The following COPA variants were observed in gnomAD, a reference collection of about 807,000 sequenced individuals.
COPA encodes coatomer subunit alpha.
In COPA, 10 loss-of-function variants were observed where a neutral mutation model predicts 158.7. The observed-to-expected ratio is 0.06, with a 90% CI of 0.04 to 0.11. The LOEUF (loss-of-function observed/expected upper bound fraction) is 0.11. COPA is among the 10% of genes least tolerant of loss of function. The pLI, the probability that COPA is intolerant of heterozygous loss-of-function variation, is 1.00. For missense variants in COPA, 1,065 were observed against 1,536.7 expected (o/e 0.69, Z 5.13); for synonymous variants, 462 against 542.8 (o/e 0.85, Z 2.07).
chr1:160,295,944 T>C, intron 22 of COPA, 85 bp from the exon 23 acceptor site: 1 of 1,581,580 alleles, frequency 6.3e-7, no homozygotes, highest in Non-Finnish European at 8.6e-7. Flanking sequence ...TTGATCTCAT[T>C]TGTTTCTCTG....
In COPA at chr1:160,342,749, G is replaced by C. The variant is rs111932252; in HGVS notation, c.40+382C>G. Among the ~76,000 whole-genome samples, 1,159 of 152,246 alleles carry C rather than the reference G, an allele frequency of 7.6e-3. 21 individuals carry two copies. Among genetic ancestry groups the C allele is most frequent in the African/African-American group, 0.027 (1,101 of 41,526 alleles). On this transcript the variant is annotated intron_variant, in intron 1 of 32. Transcript: ENST00000241704. ...GCTACTGACTCGGGTGCGAGTAACA[G>C]AGATCGAGACTCAGTTCCCAGGGCC... is the stretch of plus-strand genomic sequence containing the variant.
chr1:160,305,202 A>C, intron 17 of COPA: 1 of 451,992 alleles, frequency 2.2e-6, no homozygotes, highest in South Asian at 3.4e-5. Flanking sequence ...TGTTCACTAC[A>C]TAACTTATTT....
intron 17 of COPA, among the ~76,000 whole-genome samples, chr1:160,304,403 C>T (rs1034689796): frequency 6.6e-6 from 1 of 151,830 alleles, no homozygotes. Context: ...CGGTGGCTCA[C>T]GCCTGTAATC....
At chr1:160,303,752 A>G (rs1458196902) in intron 17 of COPA, among the ~76,000 whole-genome samples, 1 of 152,200 alleles carries the variant, frequency 6.6e-6, no homozygotes, top group Non-Finnish European at 1.5e-5. Context: ...GACATGCTAC[A>G]AAAGAGGAGA....
Position 160,294,876 on chromosome 1 carries a change from G to A in COPA, c.2477-19C>T, listed in dbSNP as rs766819637. On this transcript the variant is annotated intron_variant, in intron 23 of 32. Transcript: ENST00000241704. ...CCCTTCCCTACAGAGGGAAGGAACA[G>A]AACGGAACTGGTTATAGTCCAGCAA... 1.2e-6 allele frequency: 2 copies of A among 1,607,204 alleles called. No individual in the cohort carries two copies. Among genetic ancestry groups the A allele is most frequent in the South Asian group, 2.2e-5 (2 of 90,912 alleles).
intron 6 of COPA, 26 bp from the exon 7 acceptor site, chr1:160,325,678 A>G: frequency 2.0e-6 from 3 of 1,521,656 alleles, no homozygotes. Context: ...GAGTGGGATG[A>G]AAGATGTAAA....
At chr1:160,327,597 C>T (rs1324238248) in intron 6 of COPA, among the ~76,000 whole-genome samples, 5 of 151,594 alleles carry the variant, frequency 3.3e-5, no homozygotes, top group South Asian at 2.1e-4. Context: ...GTGGCTCACA[C>T]CTGTAATCCC....
chr1:160,335,365 G>T, intron 3 of COPA, 43 bp from the exon 4 acceptor site: 1 of 1,526,958 alleles, frequency 6.5e-7, no homozygotes, highest in Non-Finnish European at 8.9e-7. Context: ...TAGTTATTGA[G>T]CCTCTAAAAG....
chr1:160,341,779 AT>A (rs1295716060), intron 1 of COPA, among the ~76,000 whole-genome samples: 5 of 151,398 alleles, frequency 3.3e-5, no homozygotes, highest in African/African-American at 1.2e-4. Flanking sequence ...AACATTTACA[AT>A]TTTTCTTCTA....
intron 1 of COPA, among the ~76,000 whole-genome samples, chr1:160,340,654 C>T (rs976185102): frequency 2.0e-5 from 3 of 152,136 alleles, no homozygotes; most frequent in Non-Finnish European, 4.4e-5. Context: ...TATTTGAAGC[C>T]CTGTAATATT....
chr1:160,298,820 G>A (rs1378989791), intron 19 of COPA, 25 bp downstream of exon 19: 1 of 1,613,606 alleles, frequency 6.2e-7, no homozygotes, highest in South Asian at 1.1e-5. Flanking sequence ...AGACAATATG[G>A]GGCTGATGAC....
chr1:160,300,887 G>A (rs571581991), intron 17 of COPA, among the ~76,000 whole-genome samples: 86 of 152,280 alleles, frequency 5.6e-4, no homozygotes, highest in Non-Finnish European at 9.7e-4. Flanking sequence ...GGGAGGCTGA[G>A]GCAGGCGGAT....
chr1:160,306,224 TA>T, intron 15 of COPA, 129 bp downstream of exon 15: 1 of 997,646 alleles, frequency 1.0e-6, no homozygotes, highest in Admixed American at 2.6e-5. Flanking sequence ...AAAGTTACTA[TA>T]AAGAGTCTTG....
intron 10 of COPA, among the ~76,000 whole-genome samples, chr1:160,312,602 T>C (rs192516573): frequency 6.6e-6 from 1 of 152,202 alleles, no homozygotes; most frequent in African/African-American, 2.4e-5. Flanking sequence ...TGGCTTTCCA[T>C]GTATTCAGAA....
At chr1:160,299,034 T>C in intron 18 of COPA, 43 bp from the exon 19 acceptor site, 2 of 1,606,726 alleles carry the variant, frequency 1.2e-6, no homozygotes, top group East Asian at 2.2e-5. Context: ...AGACATCACT[T>C]ACAGGAAAAG....
At chr1:160,300,319 G>A (rs927748845) in intron 17 of COPA, among the ~76,000 whole-genome samples, 2 of 151,356 alleles carry the variant, frequency 1.3e-5, no homozygotes, top group Admixed American at 1.3e-4. Context: ...CAGCCTGGGT[G>A]AGACTGGGAG....
At chr1:160,307,062 G>A (rs2101838356) in intron 14 of COPA, 101 bp downstream of exon 14, 1 of 1,158,504 alleles carries the variant, frequency 8.6e-7, no homozygotes. Flanking sequence ...AATCACGGCT[G>A]CCCGGGGGAG....
chr1:160,306,476 C>G lies in COPA; in HGVS notation c.1320G>C (p.Leu440=). The G allele has an allele frequency of 6.2e-7, 1 of 1,614,178 alleles. No homozygotes were observed. Among genetic ancestry groups the G allele is most frequent in the Middle Eastern group, 1.6e-4 (1 of 6,062 alleles). Residue 440 remains leucine (L), a synonymous_variant, in exon 15 of 33, where the codon CTG becomes CTC. Transcript: ENST00000241704. ...GTACCTTTTTGGTGATCTCATTCTT[C>G]AGATTCTTGATCAGAAGCTGCAATA... ...DRMHSLLIKN[L]KNEITKKVQV...
intron 6 of COPA, 107 bp downstream of exon 6, chr1:160,332,341 G>A (rs1647565586): frequency 1.6e-6 from 1 of 616,092 alleles, no homozygotes; most frequent in Non-Finnish European, 2.7e-6. Flanking sequence ...TTATAAAACA[G>A]AATATTCTAA....
Sources: allele counts gnomAD v4.1 joint callset (sites outside exome capture counted in the v4.1 genomes callset), GRCh38; gene constraint gnomAD v4.1.1; transcripts MANE v1.5; gene names NCBI Gene and HGNC (gene_info 2026-07-23, HGNC 2026-07-21).